Variants in GABRB1 observed in about 807,000 individuals in gnomAD.
GABRB1 encodes the protein gamma-aminobutyric acid receptor subunit beta-1.
GABRB1 carries 17 observed loss-of-function variants against 51.6 expected under a neutral mutation model. That is an observed-to-expected ratio of 0.33 (90% CI 0.23 to 0.49). The LOEUF is 0.49. Ranked by LOEUF, GABRB1 falls within the 20% of genes least tolerant of loss-of-function variation. The probability of loss-of-function intolerance (pLI) is 0.99; values close to 1 mark genes in which losing one functional copy is unlikely to be tolerated. For synonymous variants in GABRB1, 247 were observed against 218.9 expected (o/e 1.13, Z -1.14); for missense variants, 410 against 600.6 (o/e 0.68, Z 3.32).
intron 4 of GABRB1, among the ~76,000 whole-genome samples, chr4:47,216,943 T>C (rs187979795): frequency 2.0e-5 from 3 of 151,764 alleles, no homozygotes; most frequent in African/African-American, 7.2e-5. Flanking sequence ...AATTTGCAAA[T>C]AACCTAAATA....
chr4:47,373,009 G>A (rs973635570), intron 5 of GABRB1, among the ~76,000 whole-genome samples: 3 of 152,100 alleles, frequency 2.0e-5, no homozygotes, highest in Non-Finnish European at 4.4e-5. Flanking sequence ...CTCTTAGAGG[G>A]TCCACATGTC....
At chr4:47,403,490 C>T in intron 6 of GABRB1, 35 bp downstream of exon 6, 3 of 1,613,204 alleles carry the variant, frequency 1.9e-6, no homozygotes, top group African/African-American at 1.3e-5. Context: ...ACTAGGGGTG[C>T]TGTGAAAGGA....
At chr4:47,425,259 A>C (rs1050622350) in intron 8 of GABRB1, among the ~76,000 whole-genome samples, 3 of 152,170 alleles carry the variant, frequency 2.0e-5, no homozygotes, top group Admixed American at 6.5e-5. Flanking sequence ...TAGAGAAAAG[A>C]CTGGAAGCCA....
intron 3 of GABRB1, among the ~76,000 whole-genome samples, chr4:47,123,680 CAT>C (rs1489036987): frequency 1.5e-5 from 1 of 65,112 alleles, no homozygotes; most frequent in African/African-American, 6.3e-5. Context: ...TATGATATAT[CAT>C]ATATATGATA....
At chr4:47,421,760 A>G (rs948216690) in intron 8 of GABRB1, among the ~76,000 whole-genome samples, 5 of 152,116 alleles carry the variant, frequency 3.3e-5, no homozygotes, top group African/African-American at 1.2e-4. Flanking sequence ...TGAATCCCTA[A>G]TCGTGATCTA....
chr4:47,036,114 A>G (rs550383462), intron 3 of GABRB1, among the ~76,000 whole-genome samples: 1 of 152,328 alleles, frequency 6.6e-6, no homozygotes, highest in African/African-American at 2.4e-5. Context: ...TGCATGAATG[A>G]GTATAACAGT....
intron 3 of GABRB1, among the ~76,000 whole-genome samples, chr4:47,131,224 A>G (rs1305873955): frequency 6.6e-6 from 1 of 151,844 alleles, no homozygotes; most frequent in African/African-American, 2.4e-5. Flanking sequence ...CAGTGGCGCA[A>G]TCTCGGTTCA....
intron 4 of GABRB1, among the ~76,000 whole-genome samples, chr4:47,241,357 T>A (rs1395189575): frequency 6.6e-6 from 1 of 152,174 alleles, no homozygotes; most frequent in African/African-American, 2.4e-5. Flanking sequence ...TGTTACCCAA[T>A]TTAAGTCATT....
At chr4:47,149,804 T>C (rs975415883) in intron 3 of GABRB1, among the ~76,000 whole-genome samples, 19 of 152,050 alleles carry the variant, frequency 1.2e-4, no homozygotes, top group African/African-American at 3.6e-4. Flanking sequence ...TAGAGTTTTC[T>C]TTTTCTTTTT....
At chr4:47,223,616 G>A (rs908575393) in intron 4 of GABRB1, among the ~76,000 whole-genome samples, 15 of 151,992 alleles carry the variant, frequency 9.9e-5, no homozygotes, top group African/African-American at 2.7e-4. Context: ...AAAATGTTAA[G>A]GATATGGCTT....
rs145389585 is a variant in GABRB1, at chr4:47,167,659, G to C, written c.461+6190G>C. ...CCATTGTGACAGTTTGGAGAGCAGA[G>C]ATATTTAAGGGGTGACTAGGTCATA... On this transcript the variant is annotated intron_variant, in intron 4 of 8. Transcript: ENST00000295454. 2.1e-3 allele frequency among the ~76,000 whole-genome samples: 316 copies of C among 152,260 alleles called. 3 individuals carry two copies. The highest frequency in any genetic ancestry group is 7.4e-3 in the African/African-American group (309 of 41,580).
rs116732738 is a variant in GABRB1, at chr4:47,316,953, G to A, written c.462-3174G>A. On this transcript the variant is annotated intron_variant, in intron 4 of 8. Coordinates refer to ENST00000295454, the MANE Select transcript of GABRB1 (RefSeq NM_000812.4). ...TTTATATGTATGTGCCCATTAAAATGGATCAACATTAGAACTTACAAGGTG... is the reference window on the plus strand; with the variant it reads ...TTTATATGTATGTGCCCATTAAAATAGATCAACATTAGAACTTACAAGGTG... 2.8e-3 allele frequency among the ~76,000 whole-genome samples: 431 copies of A among 152,010 alleles called. 1 individual carries two copies. Among genetic ancestry groups the A allele is most frequent in the Non-Finnish European group, 4.8e-3 (327 of 67,814 alleles).
chr4:46,999,474 CA>C (rs1469723635), intron 1 of GABRB1, among the ~76,000 whole-genome samples: 8 of 151,950 alleles, frequency 5.3e-5, no homozygotes, highest in Admixed American at 5.2e-4. Flanking sequence ...AACTTAGAAA[CA>C]AATTAAATGT....
intron 1 of GABRB1, among the ~76,000 whole-genome samples, chr4:47,007,585 C>T (rs1724445733): frequency 6.6e-6 from 1 of 152,074 alleles, no homozygotes; most frequent in African/African-American, 2.4e-5. Flanking sequence ...GACATGTAAC[C>T]TTATCTCAAG....
chr4:47,355,378 A>G lies in GABRB1; in HGVS notation c.544+35169A>G, dbSNP rs114715022. ...TGCACAATGTGCAGGTAGTGTCTAG[A>G]TGTCCGTGAATTCATTCGCTCTCAT... is the stretch of plus-strand genomic sequence containing the variant. On this transcript the variant is annotated intron_variant, in intron 5 of 8. Transcript: ENST00000295454. 2.4e-3 allele frequency among the ~76,000 whole-genome samples: 362 copies of G among 152,172 alleles called. 1 individual carries two copies. The highest frequency in any genetic ancestry group is 8.3e-3 in the African/African-American group (345 of 41,502).
At chr4:47,352,577 T>A (rs1726393418) in intron 5 of GABRB1, among the ~76,000 whole-genome samples, 1 of 152,166 alleles carries the variant, frequency 6.6e-6, no homozygotes, top group South Asian at 2.1e-4. Flanking sequence ...CATGATCAAG[T>A]GGGCTTCATC....
chr4:47,310,146 G>A (rs1475894834), intron 4 of GABRB1, among the ~76,000 whole-genome samples: 1 of 152,174 alleles, frequency 6.6e-6, no homozygotes, highest in East Asian at 1.9e-4. Flanking sequence ...TGATATTTAG[G>A]CTTTCTTAAT....
intron 3 of GABRB1, among the ~76,000 whole-genome samples, chr4:47,077,526 A>C (rs1292667148): frequency 6.6e-6 from 1 of 152,200 alleles, no homozygotes; most frequent in East Asian, 1.9e-4. Flanking sequence ...TTTGAGTAGA[A>C]TGTACAATCA....
In GABRB1 at chr4:47,017,632, TCA is replaced by T. The variant is rs151056923; in HGVS notation, c.-19-14265_-19-14264del. Among the ~76,000 whole-genome samples, 1,052 of 150,304 alleles carry T rather than the reference TCA, an allele frequency of 7.0e-3. 14 individuals are homozygous for T. Among genetic ancestry groups the T allele is most frequent in the African/African-American group, 0.024 (1,002 of 41,078 alleles). ...AATCGAATGATTTATTTTTTCACACTCACACACACACACACACAAGCATGCTG... is the reference window on the plus strand; with the variant it reads ...AATCGAATGATTTATTTTTTCACACTCACACACACACACACAAGCATGCTG... On this transcript the variant is annotated intron_variant, in intron 1 of 3. Transcript: ENST00000513567.
Sources: allele counts gnomAD v4.1 joint callset (sites outside exome capture counted in the v4.1 genomes callset), GRCh38; gene constraint gnomAD v4.1.1; transcripts MANE v1.5; gene names NCBI Gene and HGNC (gene_info 2026-07-23, HGNC 2026-07-21).